The following KIAA0825 variants were observed in gnomAD, a reference collection of about 807,000 sequenced individuals.
KIAA0825 encodes the protein KIAA0825.
KIAA0825 carries 119 observed loss-of-function variants against 147.6 expected under a neutral mutation model. The observed-to-expected ratio is 0.81, with a 90% CI of 0.69 to 0.94. The LOEUF is 0.94. Among genes scored for constraint, KIAA0825 ranks in the 40% least tolerant of loss-of-function variants. The pLI is 0.00. For missense variants in KIAA0825, 1,381 were observed against 1,472.7 expected (o/e 0.94, Z 1.02); for synonymous variants, 470 against 518.1 (o/e 0.91, Z 1.26).
At chr5:94,214,603 C>T (rs1240517570) in intron 20 of KIAA0825, among the ~76,000 whole-genome samples, 1 of 152,124 alleles carries the variant, frequency 6.6e-6, no homozygotes, top group Non-Finnish European at 1.5e-5. Flanking sequence ...TTATTCTTGC[C>T]TCAATCAAAC....
At chr5:94,384,785 G>A (rs436529) in intron 19 of KIAA0825, among the ~76,000 whole-genome samples, 24,077 of 152,084 alleles carry the variant, frequency 0.16, 2,069 homozygotes, top group African/African-American at 0.21. Flanking sequence ...AAGCAAAATA[G>A]TTGGCAACTT....
intron 20 of KIAA0825, among the ~76,000 whole-genome samples, chr5:94,236,728 A>G (rs1480910131): frequency 6.6e-6 from 1 of 152,200 alleles, no homozygotes; most frequent in Admixed American, 6.5e-5. Context: ...CCCAACCTTC[A>G]GCAACCACCA....
In KIAA0825 at chr5:94,464,935, G is replaced by T; in HGVS notation, c.1997C>A (p.Ser666Tyr). 6.4e-7 allele frequency: 1 copy of T among 1,551,708 alleles called. No individual in the cohort carries two copies. Among genetic ancestry groups the T allele is most frequent in the Non-Finnish European group, 8.7e-7 (1 of 1,146,986 alleles). Residue 666 changes from serine (S) to tyrosine (Y), a missense_variant, in exon 11 of 21, where the codon TCT becomes TAT. Ser to Tyr is a moderately radical substitution (Grantham distance 144). Coordinates refer to ENST00000682413, the MANE Select transcript of KIAA0825 (RefSeq NM_001145678.3). ...QEILVEVLEKSLSLLASRYAR... is the reference protein window; with the variant it reads ...QEILVEVLEKYLSLLASRYAR... ...GTATCTGGAGGCCAGTAGACTCAAA[G>T]ATTTCTCCAGCACTTCCACTAGAAT...
chr5:94,283,252 T>G lies in KIAA0825; in HGVS notation c.3710+101116A>C, dbSNP rs530590373. On this transcript the variant is annotated intron_variant, in intron 20 of 20. Transcript: ENST00000682413. ...CAGTGATTCCAAAGAGCTCTGAAAA[T>G]GTCTTGTGACAGATATTATTTCCTT... Among the ~76,000 whole-genome samples the G allele has an allele frequency of 5.3e-5, 8 of 152,248 alleles. No individual in the cohort carries two copies. In the South Asian group the frequency reaches 8.3e-4, roughly 16 times the overall value.
At chr5:94,333,340 T>C (rs1781474104) in intron 20 of KIAA0825, among the ~76,000 whole-genome samples, 1 of 152,212 alleles carries the variant, frequency 6.6e-6, no homozygotes. Context: ...GGTTTTCTTC[T>C]AGGGTTTTTC....
intron 20 of KIAA0825, among the ~76,000 whole-genome samples, chr5:94,292,477 A>C (rs556614292): frequency 6.6e-6 from 1 of 152,248 alleles, no homozygotes; most frequent in East Asian, 1.9e-4. Flanking sequence ...ATGGTGGATA[A>C]GCTTTTTGAT....
intron 20 of KIAA0825, among the ~76,000 whole-genome samples, chr5:94,230,469 G>A (rs1408553035): frequency 6.6e-6 from 1 of 152,104 alleles, no homozygotes; most frequent in Non-Finnish European, 1.5e-5. Flanking sequence ...TACTTTGTAA[G>A]ATTCTCTTTT....
intron 1 of KIAA0825, among the ~76,000 whole-genome samples, chr5:94,596,312 A>C (rs1785304564): frequency 6.6e-6 from 1 of 152,170 alleles, no homozygotes; most frequent in Non-Finnish European, 1.5e-5. Flanking sequence ...CTAGCCAGTT[A>C]TCCCAGCACA....
chr5:94,262,647 A>G (rs1248249226), intron 20 of KIAA0825, among the ~76,000 whole-genome samples: 2 of 152,162 alleles, frequency 1.3e-5, no homozygotes, highest in Non-Finnish European at 2.9e-5. Context: ...AAAAATCACT[A>G]TGTTACACTG....
At chr5:94,587,878 G>T (rs1477742016) in intron 1 of KIAA0825, among the ~76,000 whole-genome samples, 1 of 152,166 alleles carries the variant, frequency 6.6e-6, no homozygotes, top group Admixed American at 6.5e-5. Context: ...AGAGGCCTCA[G>T]AAATAACACC....
chr5:94,151,348 C>A lies in KIAA0825; in HGVS notation c.*2659G>T, dbSNP rs547530144. Among the ~76,000 whole-genome samples, 317 of 132,102 alleles carry A rather than the reference C, an allele frequency of 2.4e-3. 1 individual carries two copies. The highest frequency in any genetic ancestry group is 4.1e-3 in the Middle Eastern group (1 of 242). 86.7% of individuals were successfully genotyped at this position (132,102 alleles called of 152,430 possible). ...AGGAGAATGGCGTGAACCCGGGAAG[C>A]GGAGCTTGCAGTGAGCCGAGATTGC... is the stretch of plus-strand genomic sequence containing the variant. On this transcript the variant is annotated 3_prime_UTR_variant, in exon 21 of 21. Coordinates refer to ENST00000682413, the MANE Select transcript of KIAA0825 (RefSeq NM_001145678.3).
chr5:94,166,433 T>G (rs544510356), intron 20 of KIAA0825, among the ~76,000 whole-genome samples: 2 of 152,118 alleles, frequency 1.3e-5, no homozygotes, highest in African/African-American at 2.4e-5. Flanking sequence ...GTAATTCAGG[T>G]ATTTCTTCCT....
chr5:94,171,774 C>T (rs192965221), intron 20 of KIAA0825, among the ~76,000 whole-genome samples: 2 of 152,094 alleles, frequency 1.3e-5, no homozygotes, highest in Non-Finnish European at 2.9e-5. Context: ...TTTCTGGACT[C>T]TTTCCTGTTC....
chr5:94,260,589 G>A (rs913447518), intron 20 of KIAA0825, among the ~76,000 whole-genome samples: 3 of 152,022 alleles, frequency 2.0e-5, no homozygotes, highest in African/African-American at 7.2e-5. Flanking sequence ...GAATATGTTC[G>A]ACATCAGTAT....
chr5:94,312,076 T>C (rs1779235158), intron 20 of KIAA0825, among the ~76,000 whole-genome samples: 2 of 151,806 alleles, frequency 1.3e-5, no homozygotes, highest in South Asian at 4.1e-4. Flanking sequence ...GGCTGACTCT[T>C]GGCATAAAAG....
At chr5:94,505,384 T>C (rs1451580211) in intron 5 of KIAA0825, among the ~76,000 whole-genome samples, 1 of 150,820 alleles carries the variant, frequency 6.6e-6, no homozygotes, top group Non-Finnish European at 1.5e-5. Flanking sequence ...AAAAAGTTAA[T>C]CTCATAAGTC....
chr5:94,505,862 T>C (rs6875629), intron 5 of KIAA0825, among the ~76,000 whole-genome samples: 11,821 of 152,238 alleles, frequency 0.078, 1,546 homozygotes, highest in African/African-American at 0.27. Flanking sequence ...ACATTTAATA[T>C]TACTTTTTGG....
chr5:94,596,709 C>T (rs900757403), intron 1 of KIAA0825, among the ~76,000 whole-genome samples: 9 of 152,032 alleles, frequency 5.9e-5, no homozygotes, highest in Admixed American at 2.0e-4. Flanking sequence ...AATCCATGAG[C>T]GTGGAATGTT....
intron 10 of KIAA0825, among the ~76,000 whole-genome samples, chr5:94,467,314 T>C (rs1361172058): frequency 6.6e-6 from 1 of 152,226 alleles, no homozygotes; most frequent in Non-Finnish European, 1.5e-5. Context: ...TTCAAAAGTA[T>C]TCTGCTAGTA....
Sources: allele counts gnomAD v4.1 joint callset (sites outside exome capture counted in the v4.1 genomes callset), GRCh38; gene constraint gnomAD v4.1.1; transcripts MANE v1.5; gene names NCBI Gene and HGNC (gene_info 2026-07-23, HGNC 2026-07-21).